CDH23: variants seen among roughly 807,000 people sequenced by gnomAD.
CDH23 encodes cadherin-23.
In CDH23, 189 loss-of-function variants were observed where a neutral mutation model predicts 317.1. The observed-to-expected ratio is 0.60, with a 90% CI of 0.53 to 0.67. The LOEUF is 0.67. Among genes scored for constraint, CDH23 ranks in the 30% least tolerant of loss-of-function variants. CDH23 has a pLI of 0.00. For synonymous variants in CDH23, 1,839 were observed against 1,876.8 expected, an observed-to-expected ratio of 0.98 and a Z score of 0.52; for missense variants, 4,401 against 4,592.4, an observed-to-expected ratio of 0.96 and a Z score of 1.20.
chr10:71,744,850 G>A (rs1839817296), intron 38 of CDH23, among the ~76,000 whole-genome samples: 3 of 152,298 alleles, frequency 2.0e-5, no homozygotes, highest in Non-Finnish European at 1.5e-5. Context: ...CTTCCAGACC[G>A]TAATATAAAC....
chr10:71,736,530 G>A (rs918795157), intron 34 of CDH23, among the ~76,000 whole-genome samples: 4 of 152,154 alleles, frequency 2.6e-5, no homozygotes, highest in African/African-American at 9.7e-5. Context: ...GGGTAGGGGA[G>A]GGCAATGTGG....
intron 22 of CDH23, among the ~76,000 whole-genome samples, chr10:71,699,406 G>A (rs932601296): frequency 6.6e-6 from 1 of 152,262 alleles, no homozygotes; most frequent in Non-Finnish European, 1.5e-5. Flanking sequence ...GATTTTCAGA[G>A]CTTGCATGCA....
At chr10:71,411,079 A>G (rs533151895) in intron 1 of CDH23, among the ~76,000 whole-genome samples, 1 of 152,106 alleles carries the variant, frequency 6.6e-6, no homozygotes, top group Non-Finnish European at 1.5e-5. Flanking sequence ...TAAATTCTTC[A>G]GTTTTGTTCT....
chr10:71,799,780 C>T (rs1386833359), intron 52 of CDH23, among the ~76,000 whole-genome samples, 151 bp downstream of exon 52: 1 of 152,250 alleles, frequency 6.6e-6, no homozygotes, highest in African/African-American at 2.4e-5. Flanking sequence ...TCAGCAAACC[C>T]TGTTCTCAGA....
intron 38 of CDH23, among the ~76,000 whole-genome samples, chr10:71,758,688 A>T (rs149896606): frequency 6.2e-4 from 94 of 152,256 alleles, no homozygotes; most frequent in African/African-American, 2.2e-3. Context: ...CTCTCTTTCC[A>T]TGGATACAGA....
chr10:71,712,755 A>T lies in CDH23; in HGVS notation c.3311A>T (p.Gln1104Leu). 1.2e-6 allele frequency: 2 copies of T among 1,613,610 alleles called. No homozygotes were observed. The highest frequency in any genetic ancestry group is 2.2e-5 in the South Asian group (2 of 91,012). ...DVNDNRPIFL[Q>L]SSYEASVPED... is the part of the protein sequence containing the mutation. ...AATGACAACCGGCCCATCTTTCTGC[A>T]GAGCAGCTATGAGGCCAGCGTCCCT... The change falls in exon 28 of 70, where the codon CAG becomes CTG. Residue 1104 changes from glutamine to leucine, a missense_variant. Physicochemically the swap from Gln to Leu is moderately radical, Grantham distance 113 (BLOSUM62 -2). This residue lies in a region of CDH23 where 3,068 missense variants were observed against 3,203.3 expected (regional missense o/e 0.96). Transcript: ENST00000224721.
intron 3 of CDH23, among the ~76,000 whole-genome samples, chr10:71,509,577 C>T (rs1401845593): frequency 2.0e-5 from 3 of 152,226 alleles, no homozygotes; most frequent in East Asian, 3.9e-4. Context: ...GAGAGCTCCT[C>T]TTTCCCAGTA....
chr10:71,465,670 A>G (rs1220922861), intron 3 of CDH23, among the ~76,000 whole-genome samples: 1 of 152,228 alleles, frequency 6.6e-6, no homozygotes, highest in Non-Finnish European at 1.5e-5. Flanking sequence ...CAGGAATGAA[A>G]TAACTCTCCC....
At chr10:71,660,181 G>A (rs112668819) in intron 14 of CDH23, among the ~76,000 whole-genome samples, 3,505 of 151,896 alleles carry the variant, frequency 0.023, 83 homozygotes, top group South Asian at 0.079. Context: ...GGATGGTCTC[G>A]ATCTCCTGAC....
At chr10:71,679,315 CCAGCTGCCCACCCTCT>C in intron 16 of CDH23, 56 bp from the exon 17 acceptor site, 8 of 719,218 alleles carry the variant, frequency 1.1e-5, no homozygotes, top group East Asian at 6.1e-5. Flanking sequence ...CCCCACCCTC[CCAGCTGCCCACCCTCT>C]TCTGGCCCCC....
chr10:71,465,794 G>A (rs189678194), intron 3 of CDH23, among the ~76,000 whole-genome samples: 22 of 152,292 alleles, frequency 1.4e-4, no homozygotes, highest in African/African-American at 4.8e-4. Context: ...GAAAGCAAAC[G>A]GCCGAAAGCC....
intron 1 of CDH23, among the ~76,000 whole-genome samples, chr10:71,432,525 GGTGA>G (rs1849442965): frequency 6.7e-6 from 1 of 149,928 alleles, no homozygotes; most frequent in Non-Finnish European, 1.5e-5. Context: ...TGAGTGTGTG[GGTGA>G]GTGTGTGAGA....
Position 71,566,746 on chromosome 10 carries a change from C to T in CDH23, c.434C>T (p.Thr145Ile). ...QPYSVRIPEN[T>I]PVGTPIFIVN... Reference sequence around the variant, plus strand: ...TTGCTTTGCTCTCATCCCCAGAATACACCAGTGGGGACGCCCATCTTCATC... The same window carrying T: ...TTGCTTTGCTCTCATCCCCAGAATATACCAGTGGGGACGCCCATCTTCATC... Residue 145 changes from threonine to isoleucine, a missense_variant, in exon 7 of 70, where the codon ACA becomes ATA. Thr to Ile is a moderately conservative substitution (Grantham distance 89). This residue lies in a region of CDH23 where 3,068 missense variants were observed against 3,203.3 expected (regional missense o/e 0.96). Transcript: ENST00000224721. 3 of 1,600,724 alleles carry T rather than the reference C, an allele frequency of 1.9e-6. No individual in the cohort carries two copies. Among genetic ancestry groups the T allele is most frequent in the Middle Eastern group, 1.7e-4 (1 of 6,008 alleles).
intron 3 of CDH23, among the ~76,000 whole-genome samples, chr10:71,505,618 G>T (rs1322214138): frequency 6.6e-6 from 1 of 152,188 alleles, no homozygotes; most frequent in Non-Finnish European, 1.5e-5. Context: ...TGGTGTGTGT[G>T]GAAATGTGTG....
At position 71,765,900 on chromosome 10, in the gene CDH23, C is replaced by G. The variant is rs143547314; in HGVS notation, c.4846-11780C>G. Among the ~76,000 whole-genome samples the G allele has an allele frequency of 5.3e-4, 80 of 152,272 alleles. 1 individual carries two copies. In the East Asian group the frequency reaches 0.01, roughly 20 times the overall value. On this transcript the variant is annotated intron_variant, in intron 38 of 69. Transcript: ENST00000224721. ...CAGAGGGACAGGACAAACCAAGGGT[C>G]CACAGGGGTTTGTCCTGGGGAGGGA...
intron 28 of CDH23, among the ~76,000 whole-genome samples, chr10:71,722,198 T>C (rs1214720053): frequency 6.6e-6 from 1 of 152,126 alleles, no homozygotes; most frequent in East Asian, 1.9e-4. Flanking sequence ...CCCACCACTT[T>C]GGGAAGCCAA....
At chr10:71,534,149 C>A (rs1855570574) in intron 6 of CDH23, among the ~76,000 whole-genome samples, 1 of 152,150 alleles carries the variant, frequency 6.6e-6, no homozygotes, top group East Asian at 1.9e-4. Context: ...TGATTGTCCC[C>A]AGATCCCACT....
Position 71,803,233 on chromosome 10 carries a change from C to G in CDH23, c.7685C>G (p.Ser2562Trp). The change falls in exon 55 of 70, where the codon TCG becomes TGG. Residue 2562 changes from serine to tryptophan, a missense_variant. This residue lies in a region of CDH23 where 1,144 missense variants were observed against 1,138.2 expected (regional missense o/e 1.01). Coordinates refer to ENST00000224721, the MANE Select transcript of CDH23 (RefSeq NM_022124.6). The part of the protein sequence containing the change: ...GVEAFHVDMD[S>W]GLVTTQRPLQ... The stretch of plus-strand genomic sequence containing the variant: ...GAGGCCTTCCATGTGGACATGGACT[C>G]GGGCTTGGTGACCACACAGCGGCCA... 6.2e-7 allele frequency: 1 copy of G among 1,603,208 alleles called. No homozygotes were observed. Among genetic ancestry groups the G allele is most frequent in the South Asian group, 1.1e-5 (1 of 89,604 alleles).
chr10:71,657,199 G>A (rs890946933), intron 14 of CDH23, among the ~76,000 whole-genome samples: 19 of 152,266 alleles, frequency 1.2e-4, no homozygotes, highest in African/African-American at 4.3e-4. Context: ...GGCCCTAGGC[G>A]GGGTTGGGGT....
Sources: allele counts gnomAD v4.1 joint callset (sites outside exome capture counted in the v4.1 genomes callset), GRCh38; gene constraint gnomAD v4.1.1; regional missense constraint gnomAD v4.1.1; transcripts MANE v1.5; gene names NCBI Gene and HGNC (gene_info 2026-07-23, HGNC 2026-07-21).